LACTB2: variants seen among roughly 807,000 people sequenced by gnomAD.
LACTB2 encodes endoribonuclease LACTB2.
Under a neutral mutation model 34.8 loss-of-function variants are expected in LACTB2, and 32 were observed. The ratio of observed to expected loss-of-function variants is 0.92; its 90% CI spans 0.69 to 1.24. The LOEUF is 1.24. Ranked by LOEUF, LACTB2 falls within the 50% of genes most tolerant of loss-of-function variation. LACTB2 has a pLI of 0.00. For missense variants in LACTB2, 320 were observed against 345.0 expected, an observed-to-expected ratio of 0.93 and a Z score of 0.57; for synonymous variants, 120 against 117.5, an observed-to-expected ratio of 1.02 and a Z score of -0.14.
chr8:70,650,263 A>T (rs1818322065), intron 3 of LACTB2, among the ~76,000 whole-genome samples: 1 of 152,234 alleles, frequency 6.6e-6, no homozygotes, highest in Non-Finnish European at 1.5e-5. Flanking sequence ...ATACAGAAAA[A>T]GCATAAAGTT....
At chr8:70,653,204 A>G (rs1236953057) in intron 3 of LACTB2, among the ~76,000 whole-genome samples, 2 of 152,116 alleles carry the variant, frequency 1.3e-5, no homozygotes, top group South Asian at 4.1e-4. Context: ...CTGCCCTCAC[A>G]GGCTCAAACA....
At chr8:70,644,699 T>G (rs1818240494) in intron 3 of LACTB2, among the ~76,000 whole-genome samples, 1 of 152,066 alleles carries the variant, frequency 6.6e-6, no homozygotes, top group Non-Finnish European at 1.5e-5. Flanking sequence ...AGGCTGGTCT[T>G]GAACTCTTAG....
In LACTB2 at chr8:70,668,871, C is replaced by CT; in HGVS notation, c.122+127dup. On this transcript the variant is annotated intron_variant, in intron 1 of 6. Transcript: ENST00000276590. ...TCTGCGTGCAGTCCCGACGGGGCTG[C>CT]TAGGCGCGGGGCTGCCCAGCTAGGG... The CT allele has an allele frequency of 4.6e-6, 6 of 1,318,168 alleles. No individual in the cohort carries two copies. In the South Asian group the frequency reaches 8.8e-5, roughly 19 times the overall value. The allele number at this position is 1,318,168 out of a possible 1,614,324, so 81.7% of individuals were successfully genotyped here.
chr8:70,638,718 A>C, intron 5 of LACTB2, 89 bp from the exon 6 acceptor site: 3 of 1,072,086 alleles, frequency 2.8e-6, no homozygotes, highest in Non-Finnish European at 3.7e-6. Context: ...GAAAAGCAAA[A>C]TGTAGCAAAA....
At chr8:70,650,973 GA>G (rs975389361) in intron 3 of LACTB2, among the ~76,000 whole-genome samples, 1 of 151,852 alleles carries the variant, frequency 6.6e-6, no homozygotes, top group African/African-American at 2.4e-5. Flanking sequence ...AGATATGGAG[GA>G]AACTAGTAAG....
chr8:70,662,112 G>A, intron 1 of LACTB2: 1 of 399,324 alleles, frequency 2.5e-6, no homozygotes, highest in South Asian at 5.4e-5. Context: ...TCTGAACAAG[G>A]AATAATAGCA....
At chr8:70,660,364 G>A (rs751521004) in intron 2 of LACTB2, 3 of 319,736 alleles carry the variant, frequency 9.4e-6, no homozygotes, top group East Asian at 8.8e-5. Context: ...CAGATTATAA[G>A]TTCCTATGGT....
At chr8:70,650,210 T>A (rs929489161) in intron 3 of LACTB2, among the ~76,000 whole-genome samples, 2 of 152,144 alleles carry the variant, frequency 1.3e-5, no homozygotes, top group Non-Finnish European at 2.9e-5. Context: ...ACAAAACTCG[T>A]TTAGGCCAAC....
chr8:70,647,402 G>T (rs1055718000), intron 3 of LACTB2, among the ~76,000 whole-genome samples: 1 of 151,730 alleles, frequency 6.6e-6, no homozygotes, highest in African/African-American at 2.4e-5. Context: ...ACAGGTGCCC[G>T]CCACCACACC....
At chr8:70,645,723 C>A (rs1311449088) in intron 3 of LACTB2, among the ~76,000 whole-genome samples, 1 of 149,850 alleles carries the variant, frequency 6.7e-6, no homozygotes, top group African/African-American at 2.5e-5. Context: ...CAATTCCCAC[C>A]TATGAGTGAG....
intron 3 of LACTB2, among the ~76,000 whole-genome samples, chr8:70,645,493 C>CT (rs949433328): frequency 4.5e-4 from 65 of 144,988 alleles, no homozygotes; most frequent in South Asian, 2.2e-3. Context: ...GAAAAAGACT[C>CT]TTTTTTTTTT....
Position 70,661,854 on chromosome 8 carries a change from T to G in LACTB2, c.166A>C (p.Ile56Leu), listed in dbSNP as rs1409528045. Residue 56 changes from isoleucine (I) to leucine (L), a missense_variant, in exon 2 of 7, where the codon ATC becomes CTC. Physicochemically the swap from Ile to Leu is conservative, Grantham distance 5. Coordinates refer to ENST00000276590, the MANE Select transcript of LACTB2 (RefSeq NM_016027.3). Reference sequence around the variant, plus strand: ...GTTAGAGCCTGCTTTAAACAGCTGATGTATTCTGGAATTGCTGGTTCTCCA... The same window carrying G: ...GTTAGAGCCTGCTTTAAACAGCTGAGGTATTCTGGAATTGCTGGTTCTCCA... ...DTGEPAIPEY[I>L]SCLKQALTEF... 6.2e-7 allele frequency: 1 copy of G among 1,612,776 alleles called. No individual in the cohort carries two copies. Among genetic ancestry groups the G allele is most frequent in the Non-Finnish European group, 8.5e-7 (1 of 1,179,754 alleles).
intron 5 of LACTB2, among the ~76,000 whole-genome samples, chr8:70,639,936 T>G (rs1818174723): frequency 6.6e-6 from 1 of 151,802 alleles, no homozygotes; most frequent in African/African-American, 2.4e-5. Context: ...CACTCCAGCC[T>G]GGGCAACAAG....
intron 1 of LACTB2, among the ~76,000 whole-genome samples, chr8:70,667,314 T>C (rs1317741368): frequency 2.0e-5 from 3 of 152,206 alleles, no homozygotes; most frequent in African/African-American, 7.2e-5. Flanking sequence ...TAGAACTGTT[T>C]TGTGAAGCGG....
In LACTB2 at chr8:70,639,733, C is replaced by T. The variant is rs142114961; in HGVS notation, c.742-1104G>A. On this transcript the variant is annotated intron_variant, in intron 5 of 6. Coordinates refer to ENST00000276590, the MANE Select transcript of LACTB2 (RefSeq NM_016027.3). The stretch of plus-strand genomic sequence containing the variant: ...ATCCCAGCACTTTGGGAGGCTGAGG[C>T]GGGTGGATCACCTGAGGTCGGGAGT... Among the ~76,000 whole-genome samples the T allele has an allele frequency of 5.7e-3, 868 of 151,680 alleles. 9 individuals are homozygous for T. Among genetic ancestry groups the T allele is most frequent in the African/African-American group, 0.02 (831 of 41,422 alleles).
At chr8:70,652,374 G>A (rs905511713) in intron 3 of LACTB2, 2 of 152,046 alleles carry the variant, frequency 1.3e-5, no homozygotes, top group African/African-American at 4.8e-5. Context: ...TCATAAAAGT[G>A]GAAATTGAAA....
intron 4 of LACTB2, among the ~76,000 whole-genome samples, chr8:70,641,602 CA>C (rs909480421): frequency 3.3e-5 from 5 of 152,090 alleles, no homozygotes; most frequent in African/African-American, 1.2e-4. Flanking sequence ...TAAAATACTG[CA>C]AAAGGACAAT....
chr8:70,662,159 A>C, intron 1 of LACTB2: 1 of 279,870 alleles, frequency 3.6e-6, no homozygotes, highest in Non-Finnish European at 6.7e-6. Context: ...TAAAATAAAC[A>C]TGGCACCATT....
intron 6 of LACTB2, 128 bp from the exon 7 acceptor site, chr8:70,638,031 G>A: frequency 2.1e-6 from 1 of 476,852 alleles, no homozygotes; most frequent in Non-Finnish European, 3.7e-6. Flanking sequence ...ATAAAGTTGG[G>A]TATTTTTGGT....
Sources: allele counts gnomAD v4.1 joint callset (sites outside exome capture counted in the v4.1 genomes callset), GRCh38; gene constraint gnomAD v4.1.1; transcripts MANE v1.5; gene names NCBI Gene and HGNC (gene_info 2026-07-23, HGNC 2026-07-21).